Variants in DPP6 observed in about 807,000 individuals in gnomAD.
DPP6 encodes dipeptidyl peptidase like 6.
A neutral mutation model predicts 122.6 loss-of-function variants in DPP6; 69 were observed. The ratio of observed to expected loss-of-function variants is 0.56; its 90% confidence interval spans 0.46 to 0.69. DPP6 has a LOEUF of 0.69. DPP6 is among the 30% of genes least tolerant of loss of function. The pLI, the probability that DPP6 is intolerant of heterozygous loss-of-function variation, is 0.00. For missense variants in DPP6, 928 were observed against 1,116.9 expected (o/e 0.83, Z 2.41); for synonymous variants, 418 against 433.1 (o/e 0.97, Z 0.43).
chr7:153,752,253 C>CTTTT, the DPP6 span, among the ~76,000 whole-genome samples: 1 of 138,400 alleles, frequency 7.2e-6, no homozygotes, highest in Non-Finnish European at 1.6e-5. Flanking sequence ...ACCACAGCCT[C>CTTTT]TTTTTTTTTT....
chr7:154,479,598 C>T (rs939575821), intron 3 of DPP6, among the ~76,000 whole-genome samples: 1 of 141,412 alleles, frequency 7.1e-6, no homozygotes, highest in Non-Finnish European at 1.6e-5. Flanking sequence ...AAAGAAAAGG[C>T]TCACTCTGGG....
chr7:154,565,173 T>G (rs1830665347), intron 4 of DPP6, among the ~76,000 whole-genome samples: 1 of 152,168 alleles, frequency 6.6e-6, no homozygotes, highest in Non-Finnish European at 1.5e-5. Flanking sequence ...GAAAGACACA[T>G]AAAACAAGGT....
chr7:154,128,763 T>A (rs113093805), intron 1 of DPP6, among the ~76,000 whole-genome samples: 62,416 of 144,382 alleles, frequency 0.43, 14,231 homozygotes, highest in Non-Finnish European at 0.51. Context: ...GACGGCAGCC[T>A]TGCCTGGGAC....
intron 13 of DPP6, 65 bp from the exon 14 acceptor site, chr7:154,803,799 A>G: frequency 6.4e-7 from 1 of 1,559,382 alleles, no homozygotes; most frequent in Admixed American, 1.8e-5. Context: ...CAGTTGGAGG[A>G]TGAAGAGCCA....
At chr7:154,158,422 C>T (rs891121051) in intron 1 of DPP6, among the ~76,000 whole-genome samples, 2 of 151,298 alleles carry the variant, frequency 1.3e-5, no homozygotes, top group African/African-American at 2.4e-5. Context: ...AATTTGGCTA[C>T]CATTCATTTA....
In DPP6 at chr7:154,063,364, T is replaced by G. The variant is rs867153529; in HGVS notation, c.243+10301T>G. On this transcript the variant is annotated intron_variant, in intron 1 of 25. Coordinates refer to ENST00000377770, the MANE Select transcript of DPP6 (RefSeq NM_130797.4). ...TCTTAGGAACCCCATTGCAGGAGGG[T>G]GTGGCACCCCCCACGAGGGTGGGGA... Among the ~76,000 whole-genome samples, 235 of 47,576 alleles carry G rather than the reference T, an allele frequency of 4.9e-3. 3 individuals carry two copies. The highest frequency in any genetic ancestry group is 0.026 in the East Asian group (37 of 1,398). 31.2% of individuals were successfully genotyped at this position (47,576 alleles called of 152,430 possible).
chr7:154,192,387 G>T (rs1175909853), intron 1 of DPP6, among the ~76,000 whole-genome samples: 2 of 152,254 alleles, frequency 1.3e-5, no homozygotes, highest in Admixed American at 1.3e-4. Context: ...CTAGTCACTA[G>T]TTAATCTGGT....
intron 1 of DPP6, among the ~76,000 whole-genome samples, chr7:154,155,117 G>A (rs529758164): frequency 6.6e-6 from 1 of 152,010 alleles, no homozygotes; most frequent in Non-Finnish European, 1.5e-5. Context: ...TCATTAGAAG[G>A]TTCCTCTTGA....
At chr7:154,676,583 A>G (rs1838925758) in intron 7 of DPP6, among the ~76,000 whole-genome samples, 1 of 152,228 alleles carries the variant, frequency 6.6e-6, no homozygotes. Context: ...CACACCCTGC[A>G]CCGGCCCCAC....
At chr7:154,310,410 C>A (rs1806766329) in intron 1 of DPP6, among the ~76,000 whole-genome samples, 1 of 152,192 alleles carries the variant, frequency 6.6e-6, no homozygotes. Context: ...CAGCAAGTGC[C>A]ATTTAGCACA....
chr7:154,739,795 C>T (rs141606524), intron 8 of DPP6, among the ~76,000 whole-genome samples: 177 of 152,312 alleles, frequency 1.2e-3, no homozygotes, highest in African/African-American at 3.9e-3. Flanking sequence ...GAATGCAGTT[C>T]CCAATGCACA....
At chr7:154,235,648 C>T (rs563961963) in intron 1 of DPP6, among the ~76,000 whole-genome samples, 1 of 151,990 alleles carries the variant, frequency 6.6e-6, no homozygotes, top group African/African-American at 2.4e-5. Context: ...GGATGGATTG[C>T]GATTTGCCCA....
chr7:154,041,907 C>T (rs528776482), intron 1 of DPP6, among the ~76,000 whole-genome samples: 10 of 152,078 alleles, frequency 6.6e-5, no homozygotes, highest in East Asian at 5.8e-4. Context: ...TACAGTCATA[C>T]GCCACCAGGT....
chr7:154,579,221 C>T (rs1241262311), intron 5 of DPP6, among the ~76,000 whole-genome samples: 3 of 152,066 alleles, frequency 2.0e-5, no homozygotes, highest in African/African-American at 4.8e-5. Flanking sequence ...TGGTGGTGGG[C>T]GCCTATAATC....
intron 2 of DPP6, among the ~76,000 whole-genome samples, chr7:154,454,544 A>C (rs1249131960): frequency 1.3e-5 from 2 of 152,174 alleles, no homozygotes; most frequent in Non-Finnish European, 2.9e-5. Flanking sequence ...ACTGAGAGGG[A>C]AAGCCATGAG....
At chr7:154,404,192 A>T (rs947291324) in intron 1 of DPP6, among the ~76,000 whole-genome samples, 2 of 152,178 alleles carry the variant, frequency 1.3e-5, no homozygotes, top group African/African-American at 4.8e-5. Flanking sequence ...GTCTAATCAC[A>T]CTTCACTCCT....
At chr7:154,880,311 G>A (rs575181585) in intron 20 of DPP6, among the ~76,000 whole-genome samples, 8 of 152,318 alleles carry the variant, frequency 5.3e-5, no homozygotes, top group East Asian at 1.9e-4. Flanking sequence ...AGCACCAAGC[G>A]GCTGCTGCCA....
intron 10 of DPP6, among the ~76,000 whole-genome samples, chr7:154,792,776 C>T (rs147667747): frequency 3.9e-5 from 6 of 152,330 alleles, no homozygotes; most frequent in East Asian, 3.9e-4. Context: ...TACAGCTGAG[C>T]GCCCCTCCTG....
At chr7:154,732,990 T>A (rs1842409853) in intron 8 of DPP6, among the ~76,000 whole-genome samples, 1 of 152,134 alleles carries the variant, frequency 6.6e-6, no homozygotes, top group Non-Finnish European at 1.5e-5. Flanking sequence ...TCGCCTGGAC[T>A]CCATGGCACC....
Sources: allele counts gnomAD v4.1 joint callset (sites outside exome capture counted in the v4.1 genomes callset), GRCh38; gene constraint gnomAD v4.1.1; transcripts MANE v1.5; gene names NCBI Gene and HGNC (gene_info 2026-07-23, HGNC 2026-07-21).